Variants in CCDC180 observed in about 807,000 individuals in gnomAD.
CCDC180 encodes coiled-coil domain containing 180, also known as coiled-coil domain-containing protein 180.
In CCDC180, 154 loss-of-function variants were observed where a neutral mutation model predicts 209.2. The observed-to-expected ratio is 0.74, with a 90% CI of 0.65 to 0.84. The LOEUF (loss-of-function observed/expected upper bound fraction) is 0.84, where lower values mean the gene tolerates loss of function less well. CCDC180 is among the 40% of genes least tolerant of loss of function. The pLI, the probability that CCDC180 is intolerant of heterozygous loss-of-function variation, is 0.00. For missense variants in CCDC180, 1,874 were observed against 1,997.3 expected, an observed-to-expected ratio of 0.94 and a Z score of 1.18; for synonymous variants, 778 against 749.1, an observed-to-expected ratio of 1.04 and a Z score of -0.63.
chr9:97,338,389 A>C (rs542303166), intron 18 of CCDC180, among the ~76,000 whole-genome samples: 1 of 152,164 alleles, frequency 6.6e-6, no homozygotes, highest in Admixed American at 6.5e-5. Context: ...TTCAAAGAGC[A>C]TCTTTATTTC....
At position 97,330,552 on chromosome 9, in the gene CCDC180, G is replaced by A; in HGVS notation, c.2059G>A (p.Glu687Lys). The change falls in exon 18 of 37, where the codon GAA (glutamate) becomes AAA (lysine). Residue 687 changes from glutamate to lysine, a missense_variant. Physicochemically the swap from Glu to Lys is moderately conservative, Grantham distance 56 (BLOSUM62 1). Transcript: ENST00000529487. The part of the protein sequence containing the change: ...PLHAKMDESK[E>K]GSIQGLEEMQ... Reference sequence around the variant, plus strand: ...GCATGCTAAGATGGATGAGTCCAAAGAAGGCTCTATTCAGGGACTGGAAGA... The same window carrying A: ...GCATGCTAAGATGGATGAGTCCAAAAAAGGCTCTATTCAGGGACTGGAAGA... The A allele has an allele frequency of 1.2e-6, 2 of 1,614,200 alleles. No homozygotes were observed. The highest frequency in any genetic ancestry group is 1.7e-6 in the Non-Finnish European group (2 of 1,180,050).
chr9:97,321,883 C>T (rs1472867358), intron 11 of CCDC180, among the ~76,000 whole-genome samples: 1 of 152,128 alleles, frequency 6.6e-6, no homozygotes, highest in East Asian at 1.9e-4. Context: ...GTACAGGGCC[C>T]CGGAGGCAAG....
rs771794426 is a variant in CCDC180, at chr9:97,309,440, C to T, written c.96C>T (p.Ala32=). ...TGCAGCTGGTCCACTCCCTGGCGGC[C>T]ACCAGGAAGCGGGCTGCAGAGCGTT... The part of the protein sequence containing the change: ...AEVQLVHSLA[A]TRKRAAERSV... The change falls in exon 3 of 37, where the codon GCC becomes GCT. Residue 32 remains alanine (A), a synonymous_variant. Coordinates refer to ENST00000529487, the MANE Select transcript of CCDC180 (RefSeq NM_020893.6). The T allele has an allele frequency of 1.6e-5, 26 of 1,601,080 alleles. No homozygotes were observed. The highest frequency in any genetic ancestry group is 4.0e-5 in the African/African-American group (3 of 74,100).
At chr9:97,350,383 T>C in intron 21 of CCDC180, 26 bp from the exon 22 acceptor site, 6 of 1,534,100 alleles carry the variant, frequency 3.9e-6, no homozygotes, top group Non-Finnish European at 5.2e-6. Context: ...CCCATCACTG[T>C]CCTGTTCCTC....
At chr9:97,327,599 C>T (rs939224395) in intron 15 of CCDC180, among the ~76,000 whole-genome samples, 2 of 152,138 alleles carry the variant, frequency 1.3e-5, no homozygotes, top group African/African-American at 2.4e-5. Flanking sequence ...GATTGCAGTA[C>T]TTAGATTCAG....
rs1046110846 is a variant in CCDC180 at position 97,360,384 on chromosome 9, A to G, written c.3483+283A>G. Among the ~76,000 whole-genome samples the G allele has an allele frequency of 5.9e-5, 9 of 152,008 alleles. 1 individual carries two copies. The highest frequency in any genetic ancestry group is 2.2e-4 in the African/African-American group (9 of 41,464). Reference sequence around the variant, plus strand: ...GACCCTCACTCACCCTATCCACGGAATCTCAAGCCAGTCCCACCTCTCAGC... The same window carrying G: ...GACCCTCACTCACCCTATCCACGGAGTCTCAAGCCAGTCCCACCTCTCAGC... On this transcript the variant is annotated intron_variant, in intron 26 of 36. Coordinates refer to ENST00000529487, the MANE Select transcript of CCDC180 (RefSeq NM_020893.6).
chr9:97,307,599 A>T (rs3214071), upstream of CCDC180: 11,846 of 771,082 alleles, frequency 0.015, 346 homozygotes, highest in East Asian at 0.096. Context: ...TGGAGGGTGG[A>T]TTAGGGTCCC....
At chr9:97,330,086 A>G in intron 16 of CCDC180, 68 bp from the exon 17 acceptor site, 1 of 1,227,122 alleles carries the variant, frequency 8.1e-7, no homozygotes, top group South Asian at 1.3e-5. Context: ...AAAAAAAAAA[A>G]AAAGGTGGGG....
chr9:97,317,292 G>A, intron 9 of CCDC180, 64 bp downstream of exon 9: 11 of 1,370,764 alleles, frequency 8.0e-6, no homozygotes, highest in Non-Finnish European at 1.1e-5. Context: ...GGTAGGGGCG[G>A]CATTCTCCCT....
intron 24 of CCDC180, among the ~76,000 whole-genome samples, chr9:97,355,965 G>T (rs965541660): frequency 2.6e-5 from 4 of 152,154 alleles, no homozygotes; most frequent in Non-Finnish European, 4.4e-5. Context: ...GACAGTGGGG[G>T]CCTGGGAAGG....
chr9:97,362,428 A>G lies in CCDC180; in HGVS notation c.3889A>G (p.Thr1297Ala), dbSNP rs1826791248. 6.2e-7 allele frequency: 1 copy of G among 1,613,594 alleles called. No homozygotes were observed. Among genetic ancestry groups the G allele is most frequent in the African/African-American group, 1.3e-5 (1 of 74,852 alleles). The change falls in exon 28 of 37, where the codon ACC (threonine) becomes GCC (alanine). Residue 1297 changes from threonine (T) to alanine (A), a missense_variant. Physicochemically the swap from Thr to Ala is moderately conservative, Grantham distance 58. Coordinates refer to ENST00000529487, the MANE Select transcript of CCDC180 (RefSeq NM_020893.6). ...GAAGGCTGTACCCAGTGCCAGTGCT[A>G]CCTCTGCAGGCAGGTAGGACACAAA... ...GKKAVPSASA[T>A]SAGSFTPHPK... is the part of the protein sequence containing the mutation.
rs192895122 is a variant in CCDC180 at position 97,363,667 on chromosome 9, T to C, written c.3903-384T>C. 4.3e-4 allele frequency: 217 copies of C among 509,060 alleles called. 1 individual carries two copies. Among genetic ancestry groups the C allele is most frequent in the Admixed American group, 7.4e-4 (35 of 47,480 alleles). 31.5% of individuals were successfully genotyped at this position (509,060 alleles called of 1,614,324 possible). ...GAAAATTACGGTGTTTATATGAAATTCAAGTTTAAATGGGCGTGCTGTATT... is the reference window on the plus strand; with the variant it reads ...GAAAATTACGGTGTTTATATGAAATCCAAGTTTAAATGGGCGTGCTGTATT... On this transcript the variant is annotated intron_variant, in intron 28 of 36. Coordinates refer to ENST00000529487, the MANE Select transcript of CCDC180 (RefSeq NM_020893.6).
chr9:97,348,480 AACAAGGCCAGAG>A (rs1321107985), intron 20 of CCDC180, among the ~76,000 whole-genome samples: 2 of 152,200 alleles, frequency 1.3e-5, no homozygotes, highest in Admixed American at 1.3e-4. Flanking sequence ...CAGTGTGGAA[AACAAGGCCAGAG>A]AAGCAAAGTC....
intron 24 of CCDC180, among the ~76,000 whole-genome samples, chr9:97,357,139 C>T (rs922646443): frequency 7.9e-5 from 12 of 152,026 alleles, no homozygotes; most frequent in African/African-American, 2.2e-4. Flanking sequence ...CTGCATCCTT[C>T]GGACGCCTCC....
At chr9:97,307,628 G>T, upstream of CCDC180, 1 of 1,033,648 alleles carries the variant, frequency 9.7e-7, no homozygotes, top group Non-Finnish European at 1.5e-6. Context: ...ATTCTGCGCC[G>T]CATTAGAGTT....
chr9:97,315,087 C>A, intron 8 of CCDC180, 141 bp downstream of exon 8: 1 of 624,196 alleles, frequency 1.6e-6, no homozygotes, highest in Non-Finnish European at 2.9e-6. Flanking sequence ...TCAGGTGGGC[C>A]TCTGAGGTAG....
At chr9:97,313,688 T>C (rs1015203508) in intron 5 of CCDC180, among the ~76,000 whole-genome samples, 3 of 152,186 alleles carry the variant, frequency 2.0e-5, no homozygotes, top group African/African-American at 7.2e-5. Flanking sequence ...CCCTGCTCAG[T>C]CCTTCTGATG....
chr9:97,369,239 C>T (rs777293738), intron 31 of CCDC180: 1 of 151,988 alleles, frequency 6.6e-6, no homozygotes, highest in Admixed American at 6.6e-5. Flanking sequence ...AATGAAAGAG[C>T]AGGTCTAACA....
chr9:97,359,840 G>A, intron 25 of CCDC180, 142 bp from the exon 26 acceptor site: 1 of 1,079,806 alleles, frequency 9.3e-7, no homozygotes. Context: ...CTCCCCAAGG[G>A]CCTTCCCTGC....
Sources: gnomAD v4.1 joint callset for allele counts (sites outside exome capture counted in the v4.1 genomes callset) on GRCh38, gnomAD v4.1.1 for gene constraint, MANE v1.5 for transcripts, NCBI Gene and HGNC (gene_info 2026-07-23, HGNC 2026-07-21) for gene names.